FIP1L1: variants seen among roughly 807,000 people sequenced by gnomAD.
FIP1L1 encodes factor interacting with PAPOLA and CPSF1, also known as pre-mRNA 3'-end-processing factor FIP1.
A neutral mutation model predicts 84.6 loss-of-function variants in FIP1L1; 21 were observed. That is an observed-to-expected ratio of 0.25 (90% confidence interval 0.18 to 0.36). The LOEUF is 0.36. Ranked by LOEUF, FIP1L1 falls within the 10% of genes least tolerant of loss-of-function variation. The probability of loss-of-function intolerance (pLI) is 1.00; values close to 1 mark genes in which losing one functional copy is unlikely to be tolerated. For missense variants in FIP1L1, 526 were observed against 751.1 expected (o/e 0.70, Z 3.50); for synonymous variants, 263 against 242.3 (o/e 1.09, Z -0.80).
At chr4:53,427,374 G>T (rs2150000653) in intron 12 of FIP1L1, among the ~76,000 whole-genome samples, 1 of 152,246 alleles carries the variant, frequency 6.6e-6, no homozygotes. Context: ...AGTAGGTTTG[G>T]GGTGCTTCTT....
intron 9 of FIP1L1, among the ~76,000 whole-genome samples, chr4:53,391,901 G>A (rs1032557972): frequency 1.1e-4 from 17 of 152,140 alleles, no homozygotes; most frequent in African/African-American, 4.1e-4. Context: ...TTATCTCTAT[G>A]ACACTTATAA....
chr4:53,447,325 T>C (rs1774640612), intron 15 of FIP1L1, among the ~76,000 whole-genome samples: 1 of 152,084 alleles, frequency 6.6e-6, no homozygotes, highest in South Asian at 2.1e-4. Flanking sequence ...CTCATTTATA[T>C]ATGTATTACT....
rs1736360423 is a variant in FIP1L1 at position 53,379,069 on chromosome 4, A to G, written c.86-4A>G. On this transcript the variant is annotated splice_region_variant and splice_polypyrimidine_tract_variant and intron_variant, in intron 1 of 17. Transcript: ENST00000337488. ...AGGTGATCTAACTTTGGATGTGCTT[A>G]TAGGCCCATGGGACGTGCATGTGCA... The G allele has an allele frequency of 1.2e-6, 2 of 1,613,674 alleles. No individual in the cohort carries two copies. Among genetic ancestry groups the G allele is most frequent in the South Asian group, 1.1e-5 (1 of 90,834 alleles).
In FIP1L1 at chr4:53,459,608, T is replaced by C. The variant is rs577661866; in HGVS notation, c.*159T>C. 2.4e-5 allele frequency: 24 copies of C among 1,011,178 alleles called. No homozygotes were observed. The African/African-American group carries it at 2.6e-4, about 11-fold the overall frequency. 62.6% of individuals were successfully genotyped at this position (1,011,178 alleles called of 1,614,324 possible). On this transcript the variant is annotated 3_prime_UTR_variant, in exon 18 of 18. Transcript: ENST00000337488. ...CCAAAATAAAAGAGTGAATTTTTCA[T>C]GTTAAGTTAAAAATCTTTGTCTTGT...
chr4:53,442,640 TTGAA>T lies in FIP1L1; in HGVS notation c.1175-10_1175-7del, dbSNP rs1772477327. The T allele has an allele frequency of 6.3e-7, 1 of 1,580,990 alleles. No individual in the cohort carries two copies. Among genetic ancestry groups the T allele is most frequent in the African/African-American group, 1.3e-5 (1 of 74,184 alleles). ...ATTGTTAACATTTTTTATCTTATGATTGAATGTTTCAGGTTTTCCTCCTCCACCA... is the reference window on the plus strand; with the variant it reads ...ATTGTTAACATTTTTTATCTTATGATTGTTTCAGGTTTTCCTCCTCCACCA... On this transcript the variant is annotated splice_polypyrimidine_tract_variant and intron_variant, in intron 13 of 17. Transcript: ENST00000337488.
chr4:53,448,913 T>C (rs1775304094), intron 15 of FIP1L1, among the ~76,000 whole-genome samples: 1 of 152,174 alleles, frequency 6.6e-6, no homozygotes, highest in Admixed American at 6.5e-5. Context: ...ATAAGTGTTA[T>C]ATACATTTGA....
At position 53,459,958 on chromosome 4, in the gene FIP1L1, A is replaced by G. The variant is rs1721529576; in HGVS notation, c.*509A>G. 4 of 215,188 alleles carry G rather than the reference A, an allele frequency of 1.9e-5. No individual in the cohort carries two copies. Among genetic ancestry groups the G allele is most frequent in the Admixed American group, 5.8e-5 (1 of 17,202 alleles). 13.3% of individuals were successfully genotyped at this position (215,188 alleles called of 1,614,324 possible). A position where few individuals can be genotyped will look rare whatever the true frequency, so the allele number is the denominator to read the frequency against. On this transcript the variant is annotated 3_prime_UTR_variant, in exon 18 of 18. Coordinates refer to ENST00000337488, the MANE Select transcript of FIP1L1 (RefSeq NM_030917.4). ...ATCACAACTTTTTGATGGCTTTTCA[A>G]TATTCTAAATTTGGGTTCCTGGTGA...
At chr4:53,387,577 C>G (rs1204601861) in intron 5 of FIP1L1, among the ~76,000 whole-genome samples, 2 of 152,092 alleles carry the variant, frequency 1.3e-5, no homozygotes, top group East Asian at 3.9e-4. Context: ...TACCACTAAG[C>G]TTCTCTACAC....
chr4:53,440,548 A>G (rs200169829), intron 13 of FIP1L1: 16 of 1,384,856 alleles, frequency 1.2e-5, no homozygotes, highest in Admixed American at 4.0e-5. Flanking sequence ...CTGAAATCCA[A>G]TTACTATATT....
At chr4:53,417,763 ACTCTCTCTCT>A (rs58568620) in intron 11 of FIP1L1, among the ~76,000 whole-genome samples, 6,246 of 103,260 alleles carry the variant, frequency 0.06, 202 homozygotes, top group Non-Finnish European at 0.071. Flanking sequence ...ACACACACAC[ACTCTCTCTCT>A]CTCTCTCTCT....
At position 53,460,545 on chromosome 4, in the gene FIP1L1, T is replaced by C. The variant is rs1329531666; in HGVS notation, c.*1096T>C. 4.7e-6 allele frequency: 1 copy of C among 215,050 alleles called. No individual in the cohort carries two copies. The allele number at this position is 215,050 out of a possible 1,614,324, so 13.3% of individuals were successfully genotyped here. A position where few individuals can be genotyped will look rare whatever the true frequency, so the allele number is the denominator to read the frequency against. ...AAATATTTTAGCTGTAAATTAAAAA[T>C]GGCCATAATGTACCCTTGGCAGACT... On this transcript the variant is annotated 3_prime_UTR_variant, in exon 18 of 18. Coordinates refer to ENST00000337488, the MANE Select transcript of FIP1L1 (RefSeq NM_030917.4).
intron 11 of FIP1L1, among the ~76,000 whole-genome samples, chr4:53,417,063 A>G (rs934699833): frequency 6.6e-6 from 1 of 152,114 alleles, no homozygotes; most frequent in Non-Finnish European, 1.5e-5. Context: ...TATATCAGCT[A>G]TTTGACTTAG....
At chr4:53,392,227 T>C (rs954916433) in intron 9 of FIP1L1, among the ~76,000 whole-genome samples, 2 of 152,250 alleles carry the variant, frequency 1.3e-5, no homozygotes, top group Non-Finnish European at 2.9e-5. Flanking sequence ...TTGACTCTTA[T>C]ATTGAATGAC....
In FIP1L1 at chr4:53,377,832, G is replaced by C; in HGVS notation, c.-7G>C. 1 of 1,569,352 alleles carries C rather than the reference G, an allele frequency of 6.4e-7. No homozygotes were observed. Among genetic ancestry groups the C allele is most frequent in the Non-Finnish European group, 8.6e-7 (1 of 1,157,176 alleles). ...ATCGCCGCGTTTAAGTTGCGCTCGG[G>C]GCGGCCATGTCGGCCGGCGAGGTCG... On this transcript the variant is annotated 5_prime_UTR_variant, in exon 1 of 18. Coordinates refer to ENST00000337488, the MANE Select transcript of FIP1L1 (RefSeq NM_030917.4).
At chr4:53,391,319 C>T (rs2149385314) in intron 8 of FIP1L1, 111 bp from the exon 9 acceptor site, 2 of 1,156,668 alleles carry the variant, frequency 1.7e-6, no homozygotes, top group Non-Finnish European at 2.5e-6. Context: ...TAATGATTAT[C>T]TGATGTTCTT....
At chr4:53,378,206 G>A (rs1735729312) in intron 1 of FIP1L1, 1 of 339,866 alleles carries the variant, frequency 2.9e-6, no homozygotes. Flanking sequence ...TTTCCCCGAG[G>A]CGTCTCGATC....
chr4:53,417,768 CT>C, intron 11 of FIP1L1, among the ~76,000 whole-genome samples: 2 of 1,584 alleles, frequency 1.3e-3, no homozygotes, highest in East Asian at 0.018. Flanking sequence ...CACACACTCT[CT>C]CTCTCTCTCT....
intron 9 of FIP1L1, among the ~76,000 whole-genome samples, chr4:53,391,891 TTATCTC>T (rs1440114829): frequency 1.3e-5 from 2 of 152,206 alleles, no homozygotes; most frequent in Non-Finnish European, 2.9e-5. Context: ...GGCATACTGT[TTATCTC>T]TATGACACTT....
At chr4:53,387,984 G>T (rs1320763938) in intron 5 of FIP1L1, among the ~76,000 whole-genome samples, 5 of 152,266 alleles carry the variant, frequency 3.3e-5, no homozygotes, top group Admixed American at 6.5e-5. Context: ...CCTATGAAAT[G>T]ATTATTTCAA....
Sources: allele counts gnomAD v4.1 joint callset (sites outside exome capture counted in the v4.1 genomes callset), GRCh38; gene constraint gnomAD v4.1.1; transcripts MANE v1.5; gene names NCBI Gene and HGNC (gene_info 2026-07-23, HGNC 2026-07-21).